B9D1: variants seen among roughly 807,000 people sequenced by gnomAD.
B9D1 encodes B9 domain-containing protein 1.
A neutral mutation model predicts 26.1 loss-of-function variants in B9D1; 20 were observed. The observed-to-expected ratio is 0.77, with a 90% confidence interval of 0.54 to 1.12. The LOEUF is 1.12. Among genes scored for constraint, B9D1 ranks in the 50% most tolerant of loss-of-function variants. The pLI is 0.00. For missense variants in B9D1, 260 were observed against 273.7 expected (o/e 0.95, Z 0.35); for synonymous variants, 105 against 103.1 (o/e 1.02, Z -0.11).
chr17:19,350,548 TAAAAAC>T (rs1010473224), intron 3 of B9D1, among the ~76,000 whole-genome samples: 20 of 151,422 alleles, frequency 1.3e-4, no homozygotes, highest in Non-Finnish European at 2.2e-4. Flanking sequence ...ATCTCAAAAA[TAAAAAC>T]AAAAACAAAA....
chr17:19,367,436 C>T (rs112559495), upstream of B9D1, among the ~76,000 whole-genome samples: 2,296 of 151,982 alleles, frequency 0.015, 21 homozygotes, highest in Non-Finnish European at 0.022. Context: ...CTCAGCCTCC[C>T]GAGTAGCTGG....
At chr17:19,358,688 C>T (rs918499094) in intron 2 of B9D1, among the ~76,000 whole-genome samples, 2 of 152,234 alleles carry the variant, frequency 1.3e-5, no homozygotes, top group Admixed American at 6.5e-5. Context: ...TTGCTGGTTC[C>T]TTCTCAGTGT....
intron 5 of B9D1, among the ~76,000 whole-genome samples, chr17:19,345,721 C>A (rs1908677865): frequency 6.6e-6 from 1 of 152,220 alleles, no homozygotes; most frequent in South Asian, 2.1e-4. Flanking sequence ...CTGTTTTCAG[C>A]TATCACATTT....
upstream of B9D1, among the ~76,000 whole-genome samples, chr17:19,367,124 T>C (rs1289367665): frequency 6.6e-6 from 1 of 152,098 alleles, no homozygotes; most frequent in East Asian, 1.9e-4. Flanking sequence ...TGATCAGCAT[T>C]GCCAGTGACG....
chr17:19,373,228 T>G (rs758399076), intron 1 of B9D1, among the ~76,000 whole-genome samples: 1 of 152,164 alleles, frequency 6.6e-6, no homozygotes, highest in African/African-American at 2.4e-5. Context: ...AGGCTTGGAT[T>G]AGAGATAATA....
chr17:19,337,747 G>T (rs1338654353), downstream of B9D1: 6 of 1,534,672 alleles, frequency 3.9e-6, no homozygotes, highest in Non-Finnish European at 4.4e-6. Flanking sequence ...CCCTGAAGGT[G>T]GCTATGAAGG....
At chr17:19,341,910 G>A (rs1258779720), downstream of B9D1, among the ~76,000 whole-genome samples, 3 of 152,208 alleles carry the variant, frequency 2.0e-5, no homozygotes, top group African/African-American at 7.2e-5. Context: ...TGGGCCAGGA[G>A]CTTGGAGGGC....
At chr17:19,335,470 C>T, downstream of B9D1, 1 of 1,549,378 alleles carries the variant, frequency 6.5e-7, no homozygotes, top group Non-Finnish European at 8.7e-7. Flanking sequence ...CATCTTTAAC[C>T]TTGTGTGTCT....
At chr17:19,335,010 A>G (rs1038867203), downstream of B9D1, 2 of 158,630 alleles carry the variant, frequency 1.3e-5, no homozygotes, top group Non-Finnish European at 2.8e-5. Context: ...GGCACGTGTC[A>G]TTTTAGTGGT....
chr17:19,351,622 G>A (rs1287361905), intron 3 of B9D1, among the ~76,000 whole-genome samples: 1 of 152,022 alleles, frequency 6.6e-6, no homozygotes, highest in Non-Finnish European at 1.5e-5. Flanking sequence ...AATGCCTGGT[G>A]GAACTCAGTG....
Position 19,372,796 on chromosome 17 carries a change from TGGAA to T in B9D1, c.-298+5059_-298+5062del, listed in dbSNP as rs1157458492. 3.9e-5 allele frequency among the ~76,000 whole-genome samples: 6 copies of T among 152,226 alleles called. No homozygotes were observed. Among genetic ancestry groups the T allele is most frequent in the Admixed American group, 6.5e-5 (1 of 15,288 alleles). ...TTCGTAAAACTTAAGAGCATGGGAT[TGGAA>T]GGGAGGCAGTAACATCAGCAGAGCG... On this transcript the variant is annotated intron_variant, in intron 1 of 5. Transcript: ENST00000477478. This position sits in a 1 kb window ranked among gnomAD's most constrained non-coding sequence, Gnocchi z 4.4.
downstream of B9D1, among the ~76,000 whole-genome samples, chr17:19,338,269 C>T (rs888683213): frequency 6.6e-6 from 1 of 152,238 alleles, no homozygotes; most frequent in Admixed American, 6.5e-5. Context: ...TGGTGCCCTG[C>T]TCTGGGCTCT....
upstream of B9D1, among the ~76,000 whole-genome samples, chr17:19,364,786 GCTCTGTC>G (rs1282489368): frequency 1.3e-5 from 2 of 152,254 alleles, no homozygotes; most frequent in Non-Finnish European, 2.9e-5. This position sits in a 1 kb window ranked among gnomAD's most constrained non-coding sequence, Gnocchi z 4.3. Context: ...TCTTAGTACA[GCTCTGTC>G]CTCTGGTACA....
At chr17:19,335,428 C>CTG, downstream of B9D1, 1 of 1,550,088 alleles carries the variant, frequency 6.5e-7, no homozygotes, top group South Asian at 1.2e-5. Context: ...AACAGGACTT[C>CTG]TGTTTACAAT....
downstream of B9D1, chr17:19,335,212 A>C (rs1349561169): frequency 2.3e-6 from 1 of 435,338 alleles, no homozygotes; most frequent in Non-Finnish European, 4.0e-6. Flanking sequence ...CCTAGCCTCC[A>C]GTTGCCTTTT....
In B9D1 at chr17:19,377,881, C is replaced by T. The variant is rs1042265826; in HGVS notation, c.-320G>A. 6.1e-6 allele frequency: 6 copies of T among 985,410 alleles called. No homozygotes were observed. The East Asian group carries it at 5.7e-4, about 93-fold the overall frequency. 61.0% of individuals were successfully genotyped at this position (985,410 alleles called of 1,614,324 possible). On this transcript the variant is annotated 5_prime_UTR_variant, in exon 1 of 6. Transcript: ENST00000477478. ...TACCTAGAAGCCAGGAAACCGCGAG[C>T]TGCAGTCCAACTTGGCCGGAAGCTG...
downstream of B9D1, chr17:19,337,848 C>T (rs79854827): frequency 0.012 from 5,421 of 446,038 alleles, 324 homozygotes; most frequent in East Asian, 0.23. Flanking sequence ...ATTAGGCCCT[C>T]GGCCCCCATC....
intron 5 of B9D1, among the ~76,000 whole-genome samples, chr17:19,346,361 C>G (rs963248818): frequency 6.6e-6 from 1 of 152,232 alleles, no homozygotes; most frequent in Non-Finnish European, 1.5e-5. Context: ...GCCCTGGGCG[C>G]GATGCTGTCC....
Position 19,357,869 on chromosome 17 carries a change from A to G in B9D1, c.215T>C (p.Val72Ala), listed in dbSNP as rs1476439277. Reference sequence around the variant, plus strand: ...GTAGGGGTTGGTGCTTTTAAAGGTGACATCAATGGGGAAGTTCCACACCAG... The same window carrying G: ...GTAGGGGTTGGTGCTTTTAAAGGTGGCATCAATGGGGAAGTTCCACACCAG... ...QALVWNFPID[V>A]TFKSTNPYGW... Residue 72 changes from valine (V) to alanine (A), a missense_variant, in exon 3 of 7, where the codon GTC becomes GCC. Physicochemically the swap from Val to Ala is moderately conservative, Grantham distance 64. Transcript: ENST00000261499. The G allele has an allele frequency of 5.6e-6, 9 of 1,613,876 alleles. No individual in the cohort carries two copies. Among genetic ancestry groups the G allele is most frequent in the Non-Finnish European group, 7.6e-6 (9 of 1,179,994 alleles).
Sources: allele counts gnomAD v4.1 joint callset (sites outside exome capture counted in the v4.1 genomes callset), GRCh38; gene constraint gnomAD v4.1.1; non-coding constraint Gnocchi (gnomAD v3.1); transcripts MANE v1.5; gene names NCBI Gene and HGNC (gene_info 2026-07-23, HGNC 2026-07-21).